Variants in CHCHD3 observed in about 807,000 individuals in gnomAD.
CHCHD3 encodes MICOS complex subunit MIC19.
CHCHD3 carries 20 observed loss-of-function variants against 38.2 expected under a neutral mutation model. The observed-to-expected ratio is 0.52, with a 90% confidence interval of 0.37 to 0.76. The LOEUF is 0.76. Ranked by LOEUF, CHCHD3 falls within the 30% of genes least tolerant of loss-of-function variation. CHCHD3 has a pLI of 0.00. For synonymous variants in CHCHD3, 82 were observed against 100.0 expected, an observed-to-expected ratio of 0.82 and a Z score of 1.07; for missense variants, 245 against 279.2, an observed-to-expected ratio of 0.88 and a Z score of 0.87.
At chr7:132,941,000 G>T (rs973366948) in intron 4 of CHCHD3, among the ~76,000 whole-genome samples, 1 of 152,030 alleles carries the variant, frequency 6.6e-6, no homozygotes, top group Non-Finnish European at 1.5e-5. Context: ...TCAGTGGCCA[G>T]TTTCCTCTCA....
intron 3 of CHCHD3, among the ~76,000 whole-genome samples, chr7:133,016,579 T>C (rs1813035508): frequency 6.6e-6 from 1 of 152,242 alleles, no homozygotes; most frequent in South Asian, 2.1e-4. Flanking sequence ...AAGGTTATTA[T>C]TTGAACAGGA....
At chr7:133,026,542 T>A (rs941904138) in intron 2 of CHCHD3, among the ~76,000 whole-genome samples, 1 of 152,200 alleles carries the variant, frequency 6.6e-6, no homozygotes, top group Non-Finnish European at 1.5e-5. Flanking sequence ...TCAAGAAAAT[T>A]TGAAAACATG....
In CHCHD3 at chr7:132,784,888, TA is replaced by T. The variant is rs2117011625; in HGVS notation, c.*748del. 6.5e-6 allele frequency: 1 copy of T among 152,776 alleles called. No homozygotes were observed. The highest frequency in any genetic ancestry group is 2.1e-4 in the South Asian group (1 of 4,824). 9.5% of individuals were successfully genotyped at this position (152,776 alleles called of 1,614,324 possible). The stretch of plus-strand genomic sequence containing the variant: ...GCCAGTCTTTGTCAGAAAATATATT[TA>T]TTATTGATAGTGAGTGAAGTAAAGA... On this transcript the variant is annotated 3_prime_UTR_variant, in exon 8 of 8. Transcript: ENST00000262570.
chr7:133,055,400 ATAGT>A (rs1374454719), intron 2 of CHCHD3, among the ~76,000 whole-genome samples: 18 of 144,904 alleles, frequency 1.2e-4, no homozygotes, highest in South Asian at 4.2e-4. Context: ...TATAATTATA[ATAGT>A]TATGTTATAT....
At chr7:132,944,103 T>A (rs1810839324) in intron 4 of CHCHD3, among the ~76,000 whole-genome samples, 1 of 152,086 alleles carries the variant, frequency 6.6e-6, no homozygotes. Flanking sequence ...TAGAAATTTA[T>A]CAAAAACAGA....
At chr7:132,823,501 G>A (rs1034642330) in intron 6 of CHCHD3, among the ~76,000 whole-genome samples, 2 of 152,148 alleles carry the variant, frequency 1.3e-5, no homozygotes, top group African/African-American at 4.8e-5. Context: ...TGCAGATAAG[G>A]GGGGCCACCT....
chr7:132,935,488 C>G (rs1464169182), intron 4 of CHCHD3, among the ~76,000 whole-genome samples: 1 of 152,108 alleles, frequency 6.6e-6, no homozygotes, highest in Non-Finnish European at 1.5e-5. Flanking sequence ...TACTCTGGGT[C>G]AGGATGTAAA....
chr7:132,983,965 TCCTCCTCTCCCTCTC>T (rs1305030376), intron 3 of CHCHD3, among the ~76,000 whole-genome samples: 20 of 99,296 alleles, frequency 2.0e-4, no homozygotes, highest in African/African-American at 7.3e-4. Flanking sequence ...TCGGAAAGGC[TCCTCCTCTCCCTCTC>T]CCTCCTCTCC....
At chr7:132,997,001 T>C (rs1812437731) in intron 3 of CHCHD3, among the ~76,000 whole-genome samples, 1 of 152,372 alleles carries the variant, frequency 6.6e-6, no homozygotes, top group East Asian at 1.9e-4. Context: ...AACAACCATT[T>C]CTAAATTCCA....
At chr7:132,911,734 G>C (rs1204800772) in intron 4 of CHCHD3, among the ~76,000 whole-genome samples, 2 of 152,118 alleles carry the variant, frequency 1.3e-5, no homozygotes, top group African/African-American at 4.8e-5. Flanking sequence ...CTGCCTTTTG[G>C]CTCTCCATAA....
rs1010287043 is a variant in CHCHD3 at position 132,833,772 on chromosome 7, T to C, written c.524+4627A>G. On this transcript the variant is annotated intron_variant, in intron 6 of 7. Transcript: ENST00000262570. ...TTAAGCATCCCTAAAATAATTCGAT[T>C]AGCTATCCTGGTAGGTTACATTAAT... 5.5e-4 allele frequency among the ~76,000 whole-genome samples: 84 copies of C among 152,364 alleles called. 1 individual carries two copies. Among genetic ancestry groups the C allele is most frequent in the East Asian group, 7.7e-4 (4 of 5,184 alleles).
At chr7:132,828,313 T>C (rs1440480002) in intron 6 of CHCHD3, among the ~76,000 whole-genome samples, 1 of 152,196 alleles carries the variant, frequency 6.6e-6, no homozygotes, top group African/African-American at 2.4e-5. Context: ...TTGCCATTCC[T>C]ATGTTTTAAA....
At chr7:132,904,197 G>A (rs957027492) in intron 4 of CHCHD3, among the ~76,000 whole-genome samples, 2 of 151,942 alleles carry the variant, frequency 1.3e-5, no homozygotes, top group African/African-American at 4.8e-5. Flanking sequence ...GGAGGTCAAG[G>A]CTGCAGTGAG....
intron 2 of CHCHD3, among the ~76,000 whole-genome samples, chr7:133,068,889 TGAG>T (rs978658541): frequency 2.0e-4 from 31 of 152,072 alleles, no homozygotes; most frequent in African/African-American, 7.5e-4. Flanking sequence ...TATGTCAAGT[TGAG>T]GAATCTGTAA....
chr7:132,866,239 G>A (rs1808622482), intron 5 of CHCHD3, among the ~76,000 whole-genome samples: 2 of 152,166 alleles, frequency 1.3e-5, no homozygotes, highest in Admixed American at 1.3e-4. Context: ...CTCTCAAAAA[G>A]TCTGTGTTGT....
chr7:132,985,825 G>A (rs1812102634), intron 3 of CHCHD3, among the ~76,000 whole-genome samples: 1 of 119,178 alleles, frequency 8.4e-6, no homozygotes, highest in Non-Finnish European at 1.8e-5. Context: ...TCCGGGAGGT[G>A]AGGGGCGCCT....
chr7:133,081,786 G>T, intron 1 of CHCHD3, 71 bp downstream of exon 1: 1 of 1,460,466 alleles, frequency 6.8e-7, no homozygotes, highest in Non-Finnish European at 9.4e-7. Flanking sequence ...CAGGCTGAGC[G>T]GGTCCGGAGA....
At position 133,068,377 on chromosome 7, in the gene CHCHD3, A is replaced by C. The variant is rs562917261; in HGVS notation, c.169+1765T>G. On this transcript the variant is annotated intron_variant, in intron 2 of 7. Transcript: ENST00000262570. ...CTGGAGCTTCTCTTCTAGTGAAGAT[A>C]GCAGTCACAGTGAATAAGTAGAGGA... Among the ~76,000 whole-genome samples, 7 of 152,344 alleles carry C rather than the reference A, an allele frequency of 4.6e-5. No homozygotes were observed. In the East Asian group the frequency reaches 1.3e-3, roughly 29 times the overall value.
intron 4 of CHCHD3, among the ~76,000 whole-genome samples, chr7:132,919,097 A>ATTTTT (rs1585637830): frequency 2.4e-4 from 15 of 62,030 alleles, no homozygotes; most frequent in African/African-American, 5.6e-4. Flanking sequence ...AGTTGGGTTT[A>ATTTTT]TTCTTTTTTT....
Sources: allele counts gnomAD v4.1 joint callset (sites outside exome capture counted in the v4.1 genomes callset), GRCh38; gene constraint gnomAD v4.1.1; transcripts MANE v1.5; gene names NCBI Gene and HGNC (gene_info 2026-07-23, HGNC 2026-07-21).